Variants in AUH observed in about 807,000 individuals in gnomAD.
The protein encoded by AUH is AU RNA binding methylglutaconyl-CoA hydratase.
AUH carries 29 observed loss-of-function variants against 42.3 expected under a neutral mutation model. The ratio of observed to expected loss-of-function variants is 0.69; its 90% confidence interval spans 0.51 to 0.93. The LOEUF (loss-of-function observed/expected upper bound fraction) is 0.93. Ranked by LOEUF, AUH falls within the 40% of genes least tolerant of loss-of-function variation. The pLI, the probability that AUH is intolerant of heterozygous loss-of-function variation, is 0.00. For missense variants in AUH, 452 were observed against 438.1 expected, an observed-to-expected ratio of 1.03 and a Z score of -0.28; for synonymous variants, 174 against 166.4, an observed-to-expected ratio of 1.05 and a Z score of -0.35.
chr9:91,357,696 T>G (rs1412650169), intron 1 of AUH, among the ~76,000 whole-genome samples: 1 of 152,078 alleles, frequency 6.6e-6, no homozygotes, highest in Non-Finnish European at 1.5e-5. Context: ...CAGTGAAGGT[T>G]AGAAGGATAA....
intron 6 of AUH, among the ~76,000 whole-genome samples, chr9:91,276,728 G>A (rs1445362648): frequency 2.0e-5 from 3 of 152,108 alleles, no homozygotes; most frequent in Non-Finnish European, 4.4e-5. Context: ...TTACAACATA[G>A]CACCATGGAA....
intron 6 of AUH, among the ~76,000 whole-genome samples, chr9:91,222,317 T>A (rs571504192): frequency 3.3e-5 from 5 of 152,216 alleles, no homozygotes; most frequent in Admixed American, 1.3e-4. Context: ...AAGATGCCAT[T>A]ATTAAGCAAA....
chr9:91,315,407 T>C (rs889968823), intron 4 of AUH, among the ~76,000 whole-genome samples: 6 of 152,224 alleles, frequency 3.9e-5, no homozygotes, highest in Admixed American at 2.0e-4. Context: ...TTATTGACTA[T>C]GTATACCTGG....
At position 91,221,098 on chromosome 9, in the gene AUH, T is replaced by C. The variant is rs895259410; in HGVS notation, c.656-106A>G. 6 of 1,292,806 alleles carry C rather than the reference T, an allele frequency of 4.6e-6. No homozygotes were observed. In the African/African-American group the frequency reaches 7.4e-5, roughly 16 times the overall value. 80.1% of individuals were successfully genotyped at this position (1,292,806 alleles called of 1,614,324 possible). ...TAAAAATAAACCAGGGCCAGAAGTT[T>C]ATATGTTAAAATTAGTAGCTGGAAA... On this transcript the variant is annotated intron_variant, in intron 6 of 9. Transcript: ENST00000375731.
At chr9:91,349,652 G>C (rs1039524186) in intron 3 of AUH, among the ~76,000 whole-genome samples, 1 of 148,932 alleles carries the variant, frequency 6.7e-6, no homozygotes. Context: ...TGTGTGTGTG[G>C]GTGTGTGTAT....
chr9:91,256,439 G>A (rs1829407167), intron 6 of AUH, among the ~76,000 whole-genome samples: 1 of 152,008 alleles, frequency 6.6e-6, no homozygotes, highest in Non-Finnish European at 1.5e-5. Context: ...AGAGCACCTG[G>A]CATGGCACCA....
chr9:91,310,551 C>T (rs563459587), intron 4 of AUH, among the ~76,000 whole-genome samples: 2 of 152,176 alleles, frequency 1.3e-5, no homozygotes, highest in Non-Finnish European at 2.9e-5. Flanking sequence ...GATTCCACAT[C>T]AAGAGATCAA....
chr9:91,296,055 C>T lies in AUH; in HGVS notation c.621G>A (p.Leu207=), dbSNP rs1252429835. ...GAATAATCGCCAATTTTGTTTCAAC[C>T]AGGCCCATTTTTGCAGAGGAAGCTA... is the stretch of plus-strand genomic sequence containing the variant. ...RVAASSAKMG[L]VETKLAIIPG... The change falls in exon 6 of 10, where the codon CTG becomes CTA. Residue 207 remains leucine (L), a synonymous_variant. Transcript: ENST00000375731. The T allele has an allele frequency of 6.2e-7, 1 of 1,614,006 alleles. No homozygotes were observed.
At chr9:91,229,790 T>G (rs1587646036) in intron 6 of AUH, among the ~76,000 whole-genome samples, 1 of 149,642 alleles carries the variant, frequency 6.7e-6, no homozygotes, top group Non-Finnish European at 1.5e-5. Context: ...GTCTGTAAAG[T>G]ATTTTATTTC....
At position 91,267,290 on chromosome 9, in the gene AUH, A is replaced by T. The variant is rs544143672; in HGVS notation, c.655+28731T>A. Among the ~76,000 whole-genome samples the T allele has an allele frequency of 3.9e-5, 6 of 152,354 alleles. No homozygotes were observed. The South Asian group carries it at 1.0e-3, about 26-fold the overall frequency. On this transcript the variant is annotated intron_variant, in intron 6 of 9. Transcript: ENST00000375731. ...ATCATCACCTTCATTTTACAGAGAA[A>T]GAAAAGATCAGAGACCCAAGTACCT...
intron 4 of AUH, among the ~76,000 whole-genome samples, chr9:91,314,812 C>G (rs2131793495): frequency 6.6e-6 from 1 of 152,378 alleles, no homozygotes; most frequent in Middle Eastern, 3.4e-3. Context: ...CCCCGCCCTT[C>G]TGCCGTTCTG....
At chr9:91,333,626 G>A (rs1165864055) in intron 3 of AUH, among the ~76,000 whole-genome samples, 1 of 152,096 alleles carries the variant, frequency 6.6e-6, no homozygotes, top group African/African-American at 2.4e-5. Context: ...GAGTGAGGCA[G>A]GATTTACCAT....
intron 6 of AUH, among the ~76,000 whole-genome samples, chr9:91,286,247 C>T (rs10512210): frequency 0.11 from 17,365 of 152,024 alleles, 1,120 homozygotes; most frequent in African/African-American, 0.17. Context: ...GATTTAAAAT[C>T]GAGTTCCAGG....
At chr9:91,319,413 C>T (rs1027101146) in intron 4 of AUH, among the ~76,000 whole-genome samples, 10 of 152,202 alleles carry the variant, frequency 6.6e-5, no homozygotes, top group African/African-American at 2.4e-4. Flanking sequence ...ACAAAATACA[C>T]ACACCAGGAA....
intron 6 of AUH, among the ~76,000 whole-genome samples, chr9:91,244,320 T>C (rs1300288412): frequency 6.6e-6 from 1 of 152,184 alleles, no homozygotes; most frequent in Non-Finnish European, 1.5e-5. Context: ...AAAATAACAT[T>C]GGCCAAAGCT....
chr9:91,214,133 A>G lies in AUH; in HGVS notation c.*215T>C, dbSNP rs1826689504. ...TAACTTTGATTCTGTTTCTGACTATACACTACTAGCTTTATAAATCTGAAT... is the reference window on the plus strand; with the variant it reads ...TAACTTTGATTCTGTTTCTGACTATGCACTACTAGCTTTATAAATCTGAAT... On this transcript the variant is annotated 3_prime_UTR_variant, in exon 10 of 10. Transcript: ENST00000375731. 1.3e-5 allele frequency: 7 copies of G among 519,534 alleles called. No individual in the cohort carries two copies. The highest frequency in any genetic ancestry group is 6.4e-5 in the Admixed American group (2 of 31,092). 32.2% of individuals were successfully genotyped at this position (519,534 alleles called of 1,614,324 possible).
At chr9:91,218,716 CCTTT>C (rs1826963575) in intron 7 of AUH, 2 of 984,340 alleles carry the variant, frequency 2.0e-6, no homozygotes, top group South Asian at 4.7e-5. Flanking sequence ...TCTTTACAAG[CCTTT>C]TTTTCTCAGA....
chr9:91,281,047 A>T (rs778387328), intron 6 of AUH, among the ~76,000 whole-genome samples: 1 of 152,114 alleles, frequency 6.6e-6, no homozygotes, highest in Non-Finnish European at 1.5e-5. Context: ...TTAAATCCTT[A>T]TATCTTTCAC....
chr9:91,307,116 C>T (rs750959547), intron 4 of AUH, among the ~76,000 whole-genome samples: 32 of 152,012 alleles, frequency 2.1e-4, no homozygotes, highest in Admixed American at 1.3e-3. Context: ...AGACAGCAAA[C>T]GGCCATGAGG....
Sources: allele counts gnomAD v4.1 joint callset (sites outside exome capture counted in the v4.1 genomes callset), GRCh38; gene constraint gnomAD v4.1.1; transcripts MANE v1.5; gene names NCBI Gene and HGNC (gene_info 2026-07-23, HGNC 2026-07-21).